The following DCTN4 variants were observed in gnomAD, a reference collection of about 807,000 sequenced individuals.
DCTN4 encodes dynactin subunit 4, also known as dynactin 4 (p62).
Under a neutral mutation model 62.7 loss-of-function variants are expected in DCTN4, and 23 were observed. The ratio of observed to expected loss-of-function variants is 0.37; its 90% CI spans 0.26 to 0.52. The LOEUF (loss-of-function observed/expected upper bound fraction) is 0.52. Among genes scored for constraint, DCTN4 ranks in the 20% least tolerant of loss-of-function variants. DCTN4 has a pLI of 0.92. For missense variants in DCTN4, 514 were observed against 580.4 expected, an observed-to-expected ratio of 0.89 and a Z score of 1.18; for synonymous variants, 199 against 202.1, an observed-to-expected ratio of 0.98 and a Z score of 0.13.
At chr5:150,736,812 T>C (rs1190194777) in intron 4 of DCTN4, among the ~76,000 whole-genome samples, 1 of 152,064 alleles carries the variant, frequency 6.6e-6, no homozygotes, top group African/African-American at 2.4e-5. Flanking sequence ...ACTTAAAAAA[T>C]ACAGAATTAC....
At chr5:150,728,983 T>C (rs1760254696) in intron 8 of DCTN4, among the ~76,000 whole-genome samples, 1 of 150,194 alleles carries the variant, frequency 6.7e-6, no homozygotes, top group African/African-American at 2.5e-5. Context: ...GCTCAAGCAA[T>C]TCTCCTGCCT....
intron 4 of DCTN4, among the ~76,000 whole-genome samples, chr5:150,734,816 G>C (rs1760517246): frequency 6.6e-6 from 1 of 152,226 alleles, no homozygotes; most frequent in African/African-American, 2.4e-5. Context: ...GTGGGAGTGA[G>C]ACTGGCCTTG....
chr5:150,727,650 C>T lies in DCTN4; in HGVS notation c.834+2981G>A, dbSNP rs1169487415. On this transcript the variant is annotated intron_variant, in intron 8 of 12. Transcript: ENST00000447998. ...AATTAGCCGGGCGTGGTGGCGGGCG[C>T]CTGTAGTCCCAGCTACTCGGGAGGC... Among the ~76,000 whole-genome samples, 4 of 151,586 alleles carry T rather than the reference C, an allele frequency of 2.6e-5. No homozygotes were observed. The East Asian group carries it at 7.8e-4, about 29-fold the overall frequency.
intron 3 of DCTN4, among the ~76,000 whole-genome samples, chr5:150,743,389 G>T (rs923670514): frequency 5.9e-5 from 9 of 152,230 alleles, no homozygotes; most frequent in Non-Finnish European, 5.9e-5. Flanking sequence ...CAAACAAAAA[G>T]ACAGCAGTAA....
At chr5:150,731,681 C>T in intron 5 of DCTN4, 192 bp from the exon 6 acceptor site, 1 of 636,166 alleles carries the variant, frequency 1.6e-6, no homozygotes, top group Non-Finnish European at 2.7e-6. Flanking sequence ...ATAATAACAG[C>T]ACTAAACATG....
intron 5 of DCTN4, chr5:150,731,712 A>T (rs529280028): frequency 4.6e-4 from 309 of 671,106 alleles, no homozygotes; most frequent in Non-Finnish European, 6.9e-4. Context: ...CTATATTAAT[A>T]CAGTAAAAAT....
In DCTN4 at chr5:150,722,895, C is replaced by T. The variant is rs775631439; in HGVS notation, c.908+12G>A. The T allele has an allele frequency of 2.5e-6, 4 of 1,606,750 alleles. No individual in the cohort carries two copies. The African/African-American group carries it at 5.4e-5, about 22-fold the overall frequency. On this transcript the variant is annotated intron_variant, in intron 9 of 12. Coordinates refer to ENST00000447998, the MANE Select transcript of DCTN4 (RefSeq NM_016221.4). ...AAACAGTAACTGAAAACACCAATCC[C>T]AAAATACTTACACAGCGACCAGCTG...
At chr5:150,750,937 C>T (rs1752648811) in intron 3 of DCTN4, among the ~76,000 whole-genome samples, 1 of 152,126 alleles carries the variant, frequency 6.6e-6, no homozygotes, top group South Asian at 2.1e-4. Flanking sequence ...AATTACCTTG[C>T]TGAAGGTGAC....
At chr5:150,716,110 T>C (rs1214055782) in intron 11 of DCTN4, among the ~76,000 whole-genome samples, 12 of 152,170 alleles carry the variant, frequency 7.9e-5, no homozygotes, top group Admixed American at 7.9e-4. Context: ...TTCACCATAT[T>C]GGCCAAGCTG....
rs528972359 is a variant in DCTN4, at chr5:150,723,005, G to A, written c.835-25C>T. 1.3e-4 allele frequency: 191 copies of A among 1,514,394 alleles called. 1 individual carries two copies. In the East Asian group the frequency reaches 2.4e-3, roughly 19 times the overall value. 93.8% of individuals were successfully genotyped at this position (1,514,394 alleles called of 1,614,324 possible). A position where few individuals can be genotyped will look rare whatever the true frequency, so the allele number is the denominator to read the frequency against. On this transcript the variant is annotated intron_variant, in intron 8 of 12. Transcript: ENST00000447998. Reference sequence around the variant, plus strand: ...TCTAAAAAGAAAACAAATATAACACGTATCAGAAGACAACAACACACTTTG... The same window carrying A: ...TCTAAAAAGAAAACAAATATAACACATATCAGAAGACAACAACACACTTTG...
chr5:150,735,773 C>T (rs1311217241), intron 4 of DCTN4, among the ~76,000 whole-genome samples: 2 of 152,036 alleles, frequency 1.3e-5, no homozygotes, highest in African/African-American at 2.4e-5. Flanking sequence ...AAAAAGATTA[C>T]ACTAGTTCAC....
chr5:150,722,326 T>A (rs1188124555), intron 9 of DCTN4, among the ~76,000 whole-genome samples: 1 of 152,208 alleles, frequency 6.6e-6, no homozygotes, highest in Non-Finnish European at 1.5e-5. Context: ...TATGATGAGA[T>A]ATGAAAAGTT....
intron 12 of DCTN4, among the ~76,000 whole-genome samples, chr5:150,713,922 G>A (rs1205695367): frequency 6.6e-6 from 1 of 151,842 alleles, no homozygotes; most frequent in Non-Finnish European, 1.5e-5. Flanking sequence ...TTCAAGACCA[G>A]CCTGGGCAAC....
intron 3 of DCTN4, among the ~76,000 whole-genome samples, chr5:150,745,814 C>T (rs919917778): frequency 6.6e-6 from 1 of 151,806 alleles, no homozygotes; most frequent in Non-Finnish European, 1.5e-5. Flanking sequence ...AAATTTATAG[C>T]ACTAAATGCC....
chr5:150,712,809 T>A (rs940763964), intron 12 of DCTN4, among the ~76,000 whole-genome samples: 4 of 152,222 alleles, frequency 2.6e-5, no homozygotes, highest in Non-Finnish European at 5.9e-5. Flanking sequence ...ATAAACAGAA[T>A]TTGTCTACTA....
intron 1 of DCTN4, chr5:150,757,997 G>A (rs762938958): frequency 2.6e-5 from 23 of 875,420 alleles, no homozygotes; most frequent in Non-Finnish European, 3.0e-5. Flanking sequence ...TTGGTTTGAA[G>A]ATTACATAAA....
rs1759494912 is a variant in DCTN4 at position 150,709,764 on chromosome 5, T to C, written c.*1385A>G. 1.3e-5 allele frequency: 2 copies of C among 152,498 alleles called. No individual in the cohort carries two copies. Among genetic ancestry groups the C allele is most frequent in the East Asian group, 1.9e-4 (1 of 5,320 alleles). The allele number at this position is 152,498 out of a possible 1,614,324, so 9.4% of individuals were successfully genotyped here. On this transcript the variant is annotated 3_prime_UTR_variant, in exon 13 of 13. Transcript: ENST00000447998. The stretch of plus-strand genomic sequence containing the variant: ...GGAAGCTTACAAGGACTATGTCCCA[T>C]CTGTATTCTACATTATAATGTTATC...
chr5:150,731,044 C>T lies in DCTN4; in HGVS notation c.724G>A (p.Val242Ile), dbSNP rs1410387060. ...AAAGTAGAAAAACACAGAAAATTAC[C>T]CTCTGTTAAATTTACTGGTCTTGTA... ...YYTRPVNLTEVTTLQQRLLQP... is the reference protein window; with the variant it reads ...YYTRPVNLTEITTLQQRLLQP... The change falls in exon 7 of 13, where the codon GTA becomes ATA. Residue 242 changes from valine to isoleucine, a missense_variant and splice_region_variant. By Grantham distance (29) the Val-to-Ile change is conservative. Coordinates refer to ENST00000447998, the MANE Select transcript of DCTN4 (RefSeq NM_016221.4). The T allele has an allele frequency of 6.5e-7, 1 of 1,532,862 alleles. No homozygotes were observed. The highest frequency in any genetic ancestry group is 1.4e-5 in the African/African-American group (1 of 73,040). 95.0% of individuals were successfully genotyped at this position (1,532,862 alleles called of 1,614,324 possible). A position where few individuals can be genotyped will look rare whatever the true frequency, so the allele number is the denominator to read the frequency against.
chr5:150,718,549 T>C (rs1340579128), intron 10 of DCTN4, among the ~76,000 whole-genome samples, 166 bp from the exon 11 acceptor site: 1 of 152,226 alleles, frequency 6.6e-6, no homozygotes, highest in Non-Finnish European at 1.5e-5. Flanking sequence ...TGTTCTATTA[T>C]CTATATGTTA....
Sources: gnomAD v4.1 joint callset for allele counts (sites outside exome capture counted in the v4.1 genomes callset) on GRCh38, gnomAD v4.1.1 for gene constraint, MANE v1.5 for transcripts, NCBI Gene and HGNC (gene_info 2026-07-23, HGNC 2026-07-21) for gene names.